The following MICU1 variants were observed in gnomAD, a reference collection of about 807,000 sequenced individuals.
MICU1 encodes the protein mitochondrial calcium uptake 1, also known as calcium uptake protein 1, mitochondrial.
A neutral mutation model predicts 56.8 loss-of-function variants in MICU1; 45 were observed. The observed-to-expected ratio is 0.79, with a 90% CI of 0.62 to 1.02. The LOEUF (loss-of-function observed/expected upper bound fraction) is 1.02, where lower values mean the gene tolerates loss of function less well. Among genes scored for constraint, MICU1 ranks in the 50% least tolerant of loss-of-function variants. The pLI is 0.00. For synonymous variants in MICU1, 186 were observed against 195.1 expected (o/e 0.95, Z 0.39); for missense variants, 504 against 587.1 (o/e 0.86, Z 1.46).
intron 9 of MICU1, among the ~76,000 whole-genome samples, chr10:72,420,968 T>A (rs1375955056): frequency 7.0e-6 from 1 of 141,906 alleles, no homozygotes; most frequent in Non-Finnish European, 1.5e-5. Context: ...CGCCATTGCA[T>A]TCCAGCCTGG....
intron 11 of MICU1, among the ~76,000 whole-genome samples, chr10:72,370,043 A>AT (rs1232482866): frequency 5.3e-5 from 8 of 151,816 alleles, no homozygotes; most frequent in South Asian, 2.1e-4. Context: ...TGCCCAGCTA[A>AT]TTTTTTTTGT....
At chr10:72,413,761 C>T (rs956777583) in intron 9 of MICU1, among the ~76,000 whole-genome samples, 1 of 151,840 alleles carries the variant, frequency 6.6e-6, no homozygotes, top group Non-Finnish European at 1.5e-5. Flanking sequence ...GACTTGTATC[C>T]AGAATTATAT....
chr10:72,550,176 A>G (rs1479896812), intron 4 of MICU1, among the ~76,000 whole-genome samples: 1 of 152,186 alleles, frequency 6.6e-6, no homozygotes. Context: ...TATAAAATCT[A>G]CAGGTGCACT....
chr10:72,460,792 GA>G (rs560161699), intron 8 of MICU1, among the ~76,000 whole-genome samples: 2 of 150,176 alleles, frequency 1.3e-5, no homozygotes, highest in Non-Finnish European at 3.0e-5. Context: ...TTCTAAGAAA[GA>G]AAAAAAATTA....
At chr10:72,402,989 G>A (rs1030761796) in intron 10 of MICU1, among the ~76,000 whole-genome samples, 2 of 152,182 alleles carry the variant, frequency 1.3e-5, no homozygotes, top group Admixed American at 6.5e-5. Context: ...AGGCTGCAGT[G>A]AGCCAAGATG....
At chr10:72,594,292 A>G (rs1183015233) in intron 1 of MICU1, among the ~76,000 whole-genome samples, 1 of 152,220 alleles carries the variant, frequency 6.6e-6, no homozygotes, top group African/African-American at 2.4e-5. Context: ...AGTATCAACA[A>G]GAAGATCCAC....
chr10:72,438,972 C>T (rs1864827492), intron 8 of MICU1, among the ~76,000 whole-genome samples: 1 of 152,108 alleles, frequency 6.6e-6, no homozygotes, highest in African/African-American at 2.4e-5. Context: ...ACCAGAGGTA[C>T]AAAAAGGAGT....
At chr10:72,562,042 G>T (rs899187377) in intron 3 of MICU1, among the ~76,000 whole-genome samples, 1 of 150,094 alleles carries the variant, frequency 6.7e-6, no homozygotes, top group African/African-American at 2.5e-5. Context: ...CATCACTCAT[G>T]TTTGCTGAAC....
rs927241692 is a variant in MICU1, at chr10:72,427,680, G to A, written c.934-4309C>T. Reference sequence around the variant, plus strand: ...TTTCGGAGGCTGACATGGGTGGATCGCTTGAGCCCAGGAGTTCAAGACCAG... The same window carrying A: ...TTTCGGAGGCTGACATGGGTGGATCACTTGAGCCCAGGAGTTCAAGACCAG... On this transcript the variant is annotated intron_variant, in intron 8 of 11. Coordinates refer to ENST00000361114, the MANE Select transcript of MICU1 (RefSeq NM_001195518.2). 3.3e-5 allele frequency among the ~76,000 whole-genome samples: 5 copies of A among 150,472 alleles called. No individual in the cohort carries two copies. The South Asian group carries it at 6.3e-4, about 19-fold the overall frequency.
At chr10:72,448,173 G>GTGTGTGTGTGTATATATA (rs1393436881) in intron 8 of MICU1, among the ~76,000 whole-genome samples, 3 of 77,164 alleles carry the variant, frequency 3.9e-5, no homozygotes, top group African/African-American at 1.4e-4. Context: ...ATATGTGTGT[G>GTGTGTGTGTGTATATATA]TATATATATA....
intron 6 of MICU1, among the ~76,000 whole-genome samples, chr10:72,488,156 G>A (rs1866535642): frequency 1.4e-5 from 2 of 145,174 alleles, no homozygotes; most frequent in African/African-American, 5.1e-5. Context: ...TTGCACCATT[G>A]CACTCCAGCC....
At chr10:72,577,912 A>G (rs1840791520) in intron 1 of MICU1, among the ~76,000 whole-genome samples, 1 of 152,194 alleles carries the variant, frequency 6.6e-6, no homozygotes, top group Non-Finnish European at 1.5e-5. Flanking sequence ...TGCTGTGAAC[A>G]TTGCTGAAAT....
chr10:72,426,541 G>A (rs1864354845), intron 8 of MICU1, among the ~76,000 whole-genome samples: 1 of 151,882 alleles, frequency 6.6e-6, no homozygotes, highest in South Asian at 2.1e-4. Context: ...GGGACTATAG[G>A]CATGCACCAC....
chr10:72,577,775 T>C (rs750334279), intron 1 of MICU1, among the ~76,000 whole-genome samples: 3 of 152,184 alleles, frequency 2.0e-5, no homozygotes, highest in Non-Finnish European at 2.9e-5. Context: ...TATGATCTCA[T>C]GGCAAAACTT....
Position 72,556,618 on chromosome 10 carries a change from T to C in MICU1, c.331-5277A>G, listed in dbSNP as rs554980205. On this transcript the variant is annotated intron_variant, in intron 3 of 11. Coordinates refer to ENST00000361114, the MANE Select transcript of MICU1 (RefSeq NM_001195518.2). ...CCTCCCATAGTGCTGGGATTACACG[T>C]GTGAGCCACTGCATCCAGCCCCATA... Among the ~76,000 whole-genome samples the C allele has an allele frequency of 4.4e-4, 67 of 152,166 alleles. 1 individual carries two copies. In the South Asian group the frequency reaches 0.014, roughly 32 times the overall value.
At chr10:72,498,462 T>C (rs1010420430) in intron 6 of MICU1, among the ~76,000 whole-genome samples, 3 of 152,152 alleles carry the variant, frequency 2.0e-5, no homozygotes, top group Admixed American at 6.5e-5. Context: ...GATGCGTGCC[T>C]GTAGTCCCAG....
intron 8 of MICU1, among the ~76,000 whole-genome samples, chr10:72,442,744 A>G (rs988716435): frequency 2.0e-5 from 3 of 152,100 alleles, no homozygotes; most frequent in Non-Finnish European, 2.9e-5. Flanking sequence ...ACAGAAGAGT[A>G]TGCTTTGCAT....
intron 8 of MICU1, among the ~76,000 whole-genome samples, chr10:72,471,730 T>C (rs76388474): frequency 0.027 from 4,156 of 152,306 alleles, 181 homozygotes; most frequent in African/African-American, 0.096. Context: ...TCCCAGATTA[T>C]GTTACAAATA....
At chr10:72,504,619 T>G (rs894470458) in intron 6 of MICU1, among the ~76,000 whole-genome samples, 1 of 152,096 alleles carries the variant, frequency 6.6e-6, no homozygotes, top group African/African-American at 2.4e-5. Context: ...AGGCAAAAAT[T>G]GACAAGTGAG....
Sources: allele counts gnomAD v4.1 joint callset (sites outside exome capture counted in the v4.1 genomes callset), GRCh38; gene constraint gnomAD v4.1.1; transcripts MANE v1.5; gene names NCBI Gene and HGNC (gene_info 2026-07-23, HGNC 2026-07-21).